Variants in NRCAM observed in about 807,000 individuals in gnomAD.
The protein encoded by NRCAM is NgCAM-related cell adhesion molecule.
Under a neutral mutation model 156.5 loss-of-function variants are expected in NRCAM, and 83 were observed. The observed-to-expected ratio is 0.53, with a 90% CI of 0.44 to 0.64. The LOEUF is 0.64. Ranked by LOEUF, NRCAM falls within the 30% of genes least tolerant of loss-of-function variation. NRCAM has a pLI of 0.00. For missense variants in NRCAM, 1,417 were observed against 1,597.3 expected, an observed-to-expected ratio of 0.89 and a Z score of 1.92; for synonymous variants, 538 against 563.9, an observed-to-expected ratio of 0.95 and a Z score of 0.65.
intron 3 of NRCAM, among the ~76,000 whole-genome samples, chr7:108,272,809 T>G (rs2097417327): frequency 6.6e-6 from 1 of 152,114 alleles, no homozygotes; most frequent in South Asian, 2.1e-4. Context: ...ATATACAGAT[T>G]TGTTACATAG....
At chr7:108,317,236 G>C (rs1463049106) in intron 2 of NRCAM, among the ~76,000 whole-genome samples, 1 of 152,192 alleles carries the variant, frequency 6.6e-6, no homozygotes, top group Admixed American at 6.5e-5. Context: ...AGCTAGCTCT[G>C]CCCTATCTAA....
chr7:108,232,716 TA>T, intron 6 of NRCAM, among the ~76,000 whole-genome samples, 194 bp from the exon 7 acceptor site: 2 of 152,308 alleles, frequency 1.3e-5, no homozygotes, highest in South Asian at 4.1e-4. Context: ...CTATACATTT[TA>T]AGGTACCTGT....
chr7:108,230,233 C>A (rs2094137614), intron 8 of NRCAM, among the ~76,000 whole-genome samples: 1 of 151,584 alleles, frequency 6.6e-6, no homozygotes, highest in East Asian at 1.9e-4. Flanking sequence ...ATGCTCCCAC[C>A]CCCACCCCAG....
rs141151842 is a variant in NRCAM, at chr7:108,284,700, C to A, written c.-107+27965G>T. On this transcript the variant is annotated intron_variant, in intron 3 of 32. Coordinates refer to ENST00000379028, the MANE Select transcript of NRCAM (RefSeq NM_001037132.4). Reference sequence around the variant, plus strand: ...CTCTGTGCCCAACTCAAAGCTTATACGGAACCGCAACTGTTAGTTTACTTG... The same window carrying A: ...CTCTGTGCCCAACTCAAAGCTTATAAGGAACCGCAACTGTTAGTTTACTTG... 1.7e-3 allele frequency among the ~76,000 whole-genome samples: 262 copies of A among 152,146 alleles called. 1 individual carries two copies. The highest frequency in any genetic ancestry group is 2.5e-3 in the Non-Finnish European group (170 of 68,032).
At chr7:108,383,831 T>C (rs1048881293) in intron 2 of NRCAM, among the ~76,000 whole-genome samples, 2 of 152,152 alleles carry the variant, frequency 1.3e-5, no homozygotes, top group African/African-American at 4.8e-5. Context: ...GCTTGGTTTT[T>C]TTCTTCTGAC....
chr7:108,348,172 A>C (rs1448090539), intron 2 of NRCAM, among the ~76,000 whole-genome samples: 6 of 152,168 alleles, frequency 3.9e-5, no homozygotes, highest in Admixed American at 3.3e-4. Context: ...GCAGGGAATA[A>C]ATTTGAGAAA....
chr7:108,268,792 C>T (rs533590901), intron 3 of NRCAM, among the ~76,000 whole-genome samples: 1 of 152,284 alleles, frequency 6.6e-6, no homozygotes, highest in African/African-American at 2.4e-5. Context: ...CTGGTGAATT[C>T]AGTCATGTGA....
At chr7:108,332,943 G>A (rs921172782) in intron 2 of NRCAM, among the ~76,000 whole-genome samples, 1 of 152,090 alleles carries the variant, frequency 6.6e-6, no homozygotes, top group African/African-American at 2.4e-5. Flanking sequence ...AAAAAAGGAG[G>A]TTGTAAAACA....
At chr7:108,185,702 T>G (rs2066273327) in intron 20 of NRCAM, among the ~76,000 whole-genome samples, 1 of 124,354 alleles carries the variant, frequency 8.0e-6, no homozygotes, top group Admixed American at 1.0e-4. Flanking sequence ...CTGGACAGAG[T>G]GAAACCCTGT....
At chr7:108,338,816 G>A (rs939414485) in intron 2 of NRCAM, among the ~76,000 whole-genome samples, 2 of 147,378 alleles carry the variant, frequency 1.4e-5, no homozygotes, top group Non-Finnish European at 3.0e-5. Context: ...ATACTACCTT[G>A]TTCTCAGTGT....
At chr7:108,322,209 T>C (rs987315168) in intron 2 of NRCAM, among the ~76,000 whole-genome samples, 4 of 152,218 alleles carry the variant, frequency 2.6e-5, no homozygotes, top group African/African-American at 9.6e-5. Flanking sequence ...TTAGATGTTC[T>C]AGTTTTCTAG....
Position 108,226,397 on chromosome 7 carries a change from A to G in NRCAM, c.551-19T>C, listed in dbSNP as rs751872939. On this transcript the variant is annotated intron_variant, in intron 8 of 32. Transcript: ENST00000379028. ...TGAAAGGCTGGAGAAAGGCAGAGAG[A>G]TATCAAGATTATTCCATCATAAAGT... 2.5e-6 allele frequency: 4 copies of G among 1,597,694 alleles called. No individual in the cohort carries two copies. Among genetic ancestry groups the G allele is most frequent in the Non-Finnish European group, 3.4e-6 (4 of 1,167,818 alleles).
At chr7:108,455,427 G>C (rs1377460666) in intron 1 of NRCAM, among the ~76,000 whole-genome samples, 1 of 152,172 alleles carries the variant, frequency 6.6e-6, no homozygotes, top group Non-Finnish European at 1.5e-5. Flanking sequence ...ACCGCTAAGA[G>C]CCTGGGCTGG....
chr7:108,358,244 CAAAAAAAA>C (rs71314689), intron 2 of NRCAM, among the ~76,000 whole-genome samples: 3 of 71,792 alleles, frequency 4.2e-5, no homozygotes, highest in African/African-American at 6.0e-5. Flanking sequence ...CCCCTCTCTA[CAAAAAAAA>C]AAAAAAAAAA....
chr7:108,249,210 C>T (rs1342917996), intron 3 of NRCAM, among the ~76,000 whole-genome samples: 1 of 152,164 alleles, frequency 6.6e-6, no homozygotes, highest in African/African-American at 2.4e-5. Context: ...GCCAAGGTAT[C>T]CAGGCTCTCT....
At chr7:108,376,020 A>G (rs977624152) in intron 2 of NRCAM, among the ~76,000 whole-genome samples, 1 of 152,190 alleles carries the variant, frequency 6.6e-6, no homozygotes, top group Non-Finnish European at 1.5e-5. Context: ...CCAGTGATCC[A>G]CAGTTAACCT....
Position 108,182,836 on chromosome 7 carries a change from A to ATG in NRCAM, c.2387_2388dup (p.Ser797HisfsTer23). On this transcript the variant is annotated frameshift_variant, in exon 23 of 33. Coordinates refer to ENST00000379028, the MANE Select transcript of NRCAM (RefSeq NM_001037132.4). LOFTEE classifies it high-confidence loss of function. ...TTGGATACATTTGCCACAACCACAGATGTCCATTCATCATCACCATCTTTC... is the reference window on the plus strand; with the variant it reads ...TTGGATACATTTGCCACAACCACAGATGTGTCCATTCATCATCACCATCTTTC... 6.2e-7 allele frequency: 1 copy of ATG among 1,614,214 alleles called. No homozygotes were observed. The highest frequency in any genetic ancestry group is 8.5e-7 in the Non-Finnish European group (1 of 1,180,034).
chr7:108,196,754 T>G (rs2075348138), intron 14 of NRCAM, among the ~76,000 whole-genome samples: 1 of 152,182 alleles, frequency 6.6e-6, no homozygotes, highest in Non-Finnish European at 1.5e-5. Context: ...AGTACAGCCA[T>G]TATGGAAAAT....
At chr7:108,373,379 T>G (rs2099641557) in intron 2 of NRCAM, among the ~76,000 whole-genome samples, 1 of 152,180 alleles carries the variant, frequency 6.6e-6, no homozygotes, top group East Asian at 1.9e-4. Flanking sequence ...TACACATTTT[T>G]AATGTGAAAG....
Sources: gnomAD v4.1 joint callset for allele counts (sites outside exome capture counted in the v4.1 genomes callset) on GRCh38, gnomAD v4.1.1 for gene constraint, MANE v1.5 for transcripts, NCBI Gene and HGNC (gene_info 2026-07-23, HGNC 2026-07-21) for gene names.